The following RRM1 variants were observed in gnomAD, a reference collection of about 807,000 sequenced individuals.
RRM1 encodes ribonucleotide reductase catalytic subunit M1, also known as ribonucleoside-diphosphate reductase large subunit.
In RRM1, 19 loss-of-function variants were observed where a neutral mutation model predicts 101.5. That is an observed-to-expected ratio of 0.19 (90% CI 0.13 to 0.27). RRM1 has a LOEUF of 0.27. Among genes scored for constraint, RRM1 ranks in the 10% least tolerant of loss-of-function variants. The pLI, the probability that RRM1 is intolerant of heterozygous loss-of-function variation, is 1.00. For missense variants in RRM1, 500 were observed against 962.9 expected (o/e 0.52, Z 6.36); for synonymous variants, 298 against 323.4 (o/e 0.92, Z 0.84).
intron 1 of RRM1, among the ~76,000 whole-genome samples, chr11:4,095,581 G>C (rs1304004779): frequency 2.0e-5 from 3 of 152,200 alleles, no homozygotes; most frequent in African/African-American, 2.4e-5. Context: ...GGTGAGGATA[G>C]GAGTGTGGCG....
intron 2 of RRM1, chr11:4,105,636 A>C (rs1403584308): frequency 7.7e-6 from 3 of 388,860 alleles, no homozygotes; most frequent in Non-Finnish European, 1.4e-5. Flanking sequence ...GCTGGAGTGC[A>C]GTGGCATAAT....
In RRM1 at chr11:4,101,562, C is replaced by T. The variant is rs898624948; in HGVS notation, c.20-431C>T. On this transcript the variant is annotated intron_variant, in intron 1 of 18. Transcript: ENST00000300738. ...CTCCTGACCTCCAGTGATCCACACC[C>T]CCCCCCGCTCCCTTGGCCTCCCAAA... 7.3e-5 allele frequency among the ~76,000 whole-genome samples: 4 copies of T among 54,426 alleles called. 1 individual carries two copies. The highest frequency in any genetic ancestry group is 2.5e-4 in the Non-Finnish European group (4 of 15,954). 35.7% of individuals were successfully genotyped at this position (54,426 alleles called of 152,430 possible).
chr11:4,108,694 G>A (rs2133293889), intron 4 of RRM1, among the ~76,000 whole-genome samples: 1 of 151,726 alleles, frequency 6.6e-6, no homozygotes, highest in South Asian at 2.1e-4. Context: ...TTGTTTGTGT[G>A]TTGTTAATTT....
chr11:4,127,553 T>C (rs2094591876), intron 14 of RRM1, among the ~76,000 whole-genome samples: 1 of 152,206 alleles, frequency 6.6e-6, no homozygotes, highest in Admixed American at 6.5e-5. Flanking sequence ...CTTGGAATGC[T>C]GATAACCACT....
At chr11:4,120,943 C>T (rs984596461) in intron 9 of RRM1, among the ~76,000 whole-genome samples, 36 of 152,152 alleles carry the variant, frequency 2.4e-4, no homozygotes, top group Non-Finnish European at 1.5e-4. Flanking sequence ...GGCTTGAGCC[C>T]GGTAGGCAGG....
chr11:4,118,220 C>CTT (rs34182882), intron 7 of RRM1, 100 bp from the exon 8 acceptor site: 135 of 909,040 alleles, frequency 1.5e-4, no homozygotes, highest in African/African-American at 9.0e-4. Flanking sequence ...AACTTCAACT[C>CTT]TTTTTTTTTT....
intron 13 of RRM1, 48 bp downstream of exon 13, chr11:4,126,881 G>A: frequency 6.6e-7 from 1 of 1,518,916 alleles, no homozygotes; most frequent in South Asian, 1.2e-5. Flanking sequence ...AATCCAAATT[G>A]AAAGGAATCA....
intron 12 of RRM1, among the ~76,000 whole-genome samples, chr11:4,125,335 C>T (rs2133313043): frequency 6.6e-6 from 1 of 152,258 alleles, no homozygotes; most frequent in African/African-American, 2.4e-5. Context: ...GATTTGTGGA[C>T]ATTGTGGACA....
At chr11:4,108,817 C>A (rs1414198342) in intron 4 of RRM1, among the ~76,000 whole-genome samples, 1 of 152,118 alleles carries the variant, frequency 6.6e-6, no homozygotes, top group Non-Finnish European at 1.5e-5. Flanking sequence ...AATATTCACA[C>A]TGGGCCCATA....
At chr11:4,136,644 G>C (rs1182515477) in intron 18 of RRM1, among the ~76,000 whole-genome samples, 1 of 152,054 alleles carries the variant, frequency 6.6e-6, no homozygotes, top group Admixed American at 6.5e-5. Context: ...TGCAACCTCA[G>C]CCTCCTGAGT....
intron 14 of RRM1, among the ~76,000 whole-genome samples, chr11:4,127,994 G>C (rs949829426): frequency 1.3e-5 from 2 of 152,064 alleles, no homozygotes; most frequent in Non-Finnish European, 2.9e-5. Context: ...AGCTTACCTG[G>C]TTGTTGGCAG....
chr11:4,138,564 G>A lies in RRM1; in HGVS notation c.*181G>A, dbSNP rs1208805978. On this transcript the variant is annotated 3_prime_UTR_variant, in exon 19 of 19. Transcript: ENST00000300738. Reference sequence around the variant, plus strand: ...GATTTTTTTTTTAAACTCATATATTGGGATTTTCACCAAAATAATGCTTTT... The same window carrying A: ...GATTTTTTTTTTAAACTCATATATTAGGATTTTCACCAAAATAATGCTTTT... The A allele has an allele frequency of 6.0e-5, 24 of 396,726 alleles. No homozygotes were observed. The highest frequency in any genetic ancestry group is 1.1e-4 in the Non-Finnish European group (24 of 227,422). 24.6% of individuals were successfully genotyped at this position (396,726 alleles called of 1,614,324 possible).
Position 4,132,149 on chromosome 11 carries a change from G to A in RRM1, c.1770-137G>A, listed in dbSNP as rs1007021694. 1.4e-5 allele frequency: 12 copies of A among 833,272 alleles called. No homozygotes were observed. Among genetic ancestry groups the A allele is most frequent in the African/African-American group, 3.4e-5 (2 of 58,718 alleles). 51.6% of individuals were successfully genotyped at this position (833,272 alleles called of 1,614,324 possible). On this transcript the variant is annotated intron_variant, in intron 15 of 18. Coordinates refer to ENST00000300738, the MANE Select transcript of RRM1 (RefSeq NM_001033.5). This position sits in a 1 kb window ranked among gnomAD's most constrained non-coding sequence, Gnocchi z 4.1. ...GTAGGAGTTTAATTTGAAAGTCAAC[G>A]TGTGAGTTCAATGCATGTACGATGT...
At chr11:4,134,037 C>T (rs2094605047) in intron 17 of RRM1, among the ~76,000 whole-genome samples, 1 of 124,178 alleles carries the variant, frequency 8.1e-6, no homozygotes, top group Non-Finnish European at 1.6e-5. Flanking sequence ...GGCTGGAGTG[C>T]AGTGGTGGAA....
intron 1 of RRM1, among the ~76,000 whole-genome samples, chr11:4,098,601 T>G (rs1315111354): frequency 6.6e-6 from 1 of 152,182 alleles, no homozygotes; most frequent in Non-Finnish European, 1.5e-5. Context: ...TAAAATATGA[T>G]AAATACTCTG....
intron 15 of RRM1, among the ~76,000 whole-genome samples, chr11:4,131,133 A>G (rs1202159573): frequency 6.6e-6 from 1 of 152,200 alleles, no homozygotes; most frequent in Non-Finnish European, 1.5e-5. Context: ...GCCTCAGGAA[A>G]CTTACAATCA....
rs796657105 is a variant in RRM1 at position 4,130,086 on chromosome 11, A to ATTT, written c.1769+952_1769+954dup. On this transcript the variant is annotated intron_variant, in intron 15 of 18. Coordinates refer to ENST00000300738, the MANE Select transcript of RRM1 (RefSeq NM_001033.5). Reference sequence around the variant, plus strand: ...TGTATTTATATATATATATATATATATTTTTTTTTTTTTTTTTTCCCCTCA... The same window carrying ATTT: ...TGTATTTATATATATATATATATATATTTTTTTTTTTTTTTTTTTTTCCCCTCA... Among the ~76,000 whole-genome samples the ATTT allele has an allele frequency of 9.1e-5, 9 of 99,446 alleles. 1 individual carries two copies. Among genetic ancestry groups the ATTT allele is most frequent in the African/African-American group, 4.8e-4 (9 of 18,644 alleles). 65.2% of individuals were successfully genotyped at this position (99,446 alleles called of 152,430 possible). A position where few individuals can be genotyped will look rare whatever the true frequency, so the allele number is the denominator to read the frequency against.
chr11:4,120,056 G>A (rs1271398306), intron 9 of RRM1, 128 bp downstream of exon 9: 4 of 603,138 alleles, frequency 6.6e-6, no homozygotes, highest in Non-Finnish European at 1.2e-5. Context: ...AATTTGAGGA[G>A]GTATAATTAT....
intron 18 of RRM1, among the ~76,000 whole-genome samples, chr11:4,136,754 GTTTT>G (rs1554977142): frequency 1.8e-5 from 2 of 109,004 alleles, no homozygotes; most frequent in South Asian, 5.8e-4. Context: ...TTGTTTGTTT[GTTTT>G]TTCTTTTTAT....
Sources: gnomAD v4.1 joint callset for allele counts (sites outside exome capture counted in the v4.1 genomes callset) on GRCh38, gnomAD v4.1.1 for gene constraint, Gnocchi (gnomAD v3.1) non-coding constraint, MANE v1.5 for transcripts, NCBI Gene and HGNC (gene_info 2026-07-23, HGNC 2026-07-21) for gene names.